CAMK4: variants seen among roughly 807,000 people sequenced by gnomAD.
CAMK4 encodes the protein calcium/calmodulin-dependent protein kinase type IV.
A neutral mutation model predicts 44.9 loss-of-function variants in CAMK4; 22 were observed. That is an observed-to-expected ratio of 0.49 (90% CI 0.35 to 0.70). The LOEUF (loss-of-function observed/expected upper bound fraction) is 0.70. Ranked by LOEUF, CAMK4 falls within the 30% of genes least tolerant of loss-of-function variation. The pLI, the probability that CAMK4 is intolerant of heterozygous loss-of-function variation, is 0.01. For missense variants in CAMK4, 498 were observed against 586.8 expected (o/e 0.85, Z 1.56); for synonymous variants, 218 against 215.4 (o/e 1.01, Z -0.11).
intron 1 of CAMK4, among the ~76,000 whole-genome samples, chr5:111,258,407 A>G (rs1437234000): frequency 6.6e-6 from 1 of 152,204 alleles, no homozygotes; most frequent in Non-Finnish European, 1.5e-5. Context: ...AACTGGGAAC[A>G]AAAAAGAAGT....
chr5:111,329,382 A>G (rs1430475032), intron 1 of CAMK4, among the ~76,000 whole-genome samples: 1 of 151,920 alleles, frequency 6.6e-6, no homozygotes, highest in Non-Finnish European at 1.5e-5. Context: ...GGCCAGGGCA[A>G]TCAGGCTGGA....
Position 111,436,108 on chromosome 5 carries a change from GA to G in CAMK4, c.460-10574del, listed in dbSNP as rs1189582361. On this transcript the variant is annotated intron_variant, in intron 5 of 10. Transcript: ENST00000282356. ...CATTCACTTAATAAGGATTGCTACT[GA>G]AAACAAAGATAAGTGTTTCATTAAA... Among the ~76,000 whole-genome samples, 2 of 151,976 alleles carry G rather than the reference GA, an allele frequency of 1.3e-5. 1 individual carries two copies. The highest frequency in any genetic ancestry group is 2.9e-5 in the Non-Finnish European group (2 of 68,008).
At position 111,487,227 on chromosome 5, in the gene CAMK4, C is replaced by T. The variant is rs780572529; in HGVS notation, c.*2761C>T. The T allele has an allele frequency of 3.3e-5, 5 of 152,136 alleles. No homozygotes were observed. The highest frequency in any genetic ancestry group is 7.4e-5 in the Non-Finnish European group (5 of 68,012). 9.4% of individuals were successfully genotyped at this position (152,136 alleles called of 1,614,324 possible). Reference sequence around the variant, plus strand: ...GCAAAAGAATTCAAATTTCAGCAAACAATAAATTACATTTTACATTTTAGA... The same window carrying T: ...GCAAAAGAATTCAAATTTCAGCAAATAATAAATTACATTTTACATTTTAGA... On this transcript the variant is annotated 3_prime_UTR_variant, in exon 11 of 11. Transcript: ENST00000282356.
At chr5:111,273,302 T>G (rs563164273) in intron 1 of CAMK4, among the ~76,000 whole-genome samples, 48 of 152,136 alleles carry the variant, frequency 3.2e-4, no homozygotes, top group African/African-American at 1.1e-3. Flanking sequence ...TGCATAAATA[T>G]ATATAAGCAC....
At chr5:111,252,120 G>A (rs1233200406) in intron 1 of CAMK4, among the ~76,000 whole-genome samples, 1 of 152,186 alleles carries the variant, frequency 6.6e-6, no homozygotes. Flanking sequence ...CCAAGACACT[G>A]TCGTATTCAT....
At chr5:111,279,780 G>A (rs1006201530) in intron 1 of CAMK4, among the ~76,000 whole-genome samples, 1 of 152,124 alleles carries the variant, frequency 6.6e-6, no homozygotes, top group Non-Finnish European at 1.5e-5. Context: ...GTTTTTGAGT[G>A]CTCTGAGGGC....
intron 1 of CAMK4, among the ~76,000 whole-genome samples, chr5:111,321,893 A>G (rs989095147): frequency 6.6e-6 from 1 of 152,136 alleles, no homozygotes; most frequent in Non-Finnish European, 1.5e-5. Context: ...AGTTTTGTCA[A>G]CATTTTCAAT....
At position 111,404,854 on chromosome 5, in the gene CAMK4, A is replaced by G. The variant is rs150101293; in HGVS notation, c.459+10072A>G. 1.1e-4 allele frequency among the ~76,000 whole-genome samples: 16 copies of G among 152,316 alleles called. No individual in the cohort carries two copies. In the East Asian group the frequency reaches 3.1e-3, roughly 29 times the overall value. On this transcript the variant is annotated intron_variant, in intron 5 of 10. Transcript: ENST00000282356. ...GTTATTCTTAGCTTACACCATATAT[A>G]AAATATTATTTTGATGATTATAGTC... is the stretch of plus-strand genomic sequence containing the variant.
At position 111,224,430 on chromosome 5, in the gene CAMK4, C is replaced by G. The variant is rs1748063826; in HGVS notation, c.-54C>G. ...AGGCGGCGGCTGGCGGCCGGCTTCT[C>G]GCTCGGGCAGCGGCGGCGGCGGCGG... On this transcript the variant is annotated 5_prime_UTR_variant, in exon 1 of 11. Transcript: ENST00000282356. The surrounding 1 kb of genome is among the most constrained non-coding windows in gnomAD (Gnocchi z 5.7). The G allele has an allele frequency of 1.3e-6, 2 of 1,525,264 alleles. No individual in the cohort carries two copies. Among genetic ancestry groups the G allele is most frequent in the South Asian group, 1.2e-5 (1 of 81,820 alleles). The allele number at this position is 1,525,264 out of a possible 1,614,324, so 94.5% of individuals were successfully genotyped here. A position where few individuals can be genotyped will look rare whatever the true frequency, so the allele number is the denominator to read the frequency against.
At chr5:111,406,076 T>TG (rs1029346340) in intron 5 of CAMK4, among the ~76,000 whole-genome samples, 1 of 151,750 alleles carries the variant, frequency 6.6e-6, no homozygotes, top group African/African-American at 2.4e-5. Flanking sequence ...TCTTTTTTTT[T>TG]TGTCACTTCT....
At chr5:111,441,771 T>C (rs1753831129) in intron 5 of CAMK4, among the ~76,000 whole-genome samples, 1 of 152,228 alleles carries the variant, frequency 6.6e-6, no homozygotes, top group Non-Finnish European at 1.5e-5. Flanking sequence ...ATCCCCATGA[T>C]TTACATAATC....
chr5:111,224,845 C>G lies in CAMK4; in HGVS notation c.161+201C>G, dbSNP rs1748108979. 6.6e-6 allele frequency among the ~76,000 whole-genome samples: 1 copy of G among 152,110 alleles called. No homozygotes were observed. Among genetic ancestry groups the G allele is most frequent in the South Asian group, 2.1e-4 (1 of 4,826 alleles). ...CCCCACCAGAGCGCCTAGGCCGGTGCAGCTGTAGGATCAGCCCGACTCCCT... is the reference window on the plus strand; with the variant it reads ...CCCCACCAGAGCGCCTAGGCCGGTGGAGCTGTAGGATCAGCCCGACTCCCT... On this transcript the variant is annotated intron_variant, in intron 1 of 10. Transcript: ENST00000282356. This position sits in a 1 kb window ranked among gnomAD's most constrained non-coding sequence, Gnocchi z 5.7.
At chr5:111,360,498 C>T (rs1400711647) in intron 2 of CAMK4, among the ~76,000 whole-genome samples, 1 of 152,096 alleles carries the variant, frequency 6.6e-6, no homozygotes, top group Admixed American at 6.6e-5. Flanking sequence ...GTCCAGGGGT[C>T]ACAAGCCCCT....
intron 1 of CAMK4, among the ~76,000 whole-genome samples, chr5:111,303,961 A>C (rs1747845218): frequency 8.7e-6 from 1 of 115,330 alleles, no homozygotes; most frequent in Non-Finnish European, 1.6e-5. Context: ...AAAGAAAAGA[A>C]TTTTCAACCC....
intron 1 of CAMK4, among the ~76,000 whole-genome samples, chr5:111,241,105 TTGAATAATAATAATTA>T (rs2112518294): frequency 6.6e-6 from 1 of 152,266 alleles, no homozygotes; most frequent in Non-Finnish European, 1.5e-5. Context: ...AAATTTTTAT[TTGAATAATAATAATTA>T]TGACTTTTTT....
At chr5:111,449,287 A>T in intron 7 of CAMK4, 84 bp downstream of exon 7, 1 of 618,220 alleles carries the variant, frequency 1.6e-6, no homozygotes, top group Non-Finnish European at 2.8e-6. Context: ...AAAAATTCCT[A>T]ATATTTCTAT....
At chr5:111,310,243 C>A (rs1458051748) in intron 1 of CAMK4, among the ~76,000 whole-genome samples, 3 of 152,174 alleles carry the variant, frequency 2.0e-5, no homozygotes, top group African/African-American at 7.2e-5. Context: ...TACCTCCTCA[C>A]CTCCATTCTC....
chr5:111,329,685 G>A (rs1315420605), intron 1 of CAMK4, among the ~76,000 whole-genome samples: 1 of 151,664 alleles, frequency 6.6e-6, no homozygotes, highest in East Asian at 1.9e-4. Context: ...TTAGCTGCTT[G>A]ATTAGTGGAA....
intron 1 of CAMK4, among the ~76,000 whole-genome samples, chr5:111,263,158 T>C (rs1750067892): frequency 6.6e-6 from 1 of 152,362 alleles, no homozygotes; most frequent in African/African-American, 2.4e-5. Context: ...ATCTTGACTA[T>C]GTCAGGTGAT....
Sources: allele counts gnomAD v4.1 joint callset (sites outside exome capture counted in the v4.1 genomes callset), GRCh38; gene constraint gnomAD v4.1.1; non-coding constraint Gnocchi (gnomAD v3.1); transcripts MANE v1.5; gene names NCBI Gene and HGNC (gene_info 2026-07-23, HGNC 2026-07-21).